PDE11A: variants seen among roughly 807,000 people sequenced by gnomAD.
The protein encoded by PDE11A is phosphodiesterase 11A.
A neutral mutation model predicts 100.5 loss-of-function variants in PDE11A; 100 were observed. The ratio of observed to expected loss-of-function variants is 1.00; its 90% CI spans 0.85 to 1.18. The LOEUF (loss-of-function observed/expected upper bound fraction) is 1.18, where lower values mean the gene tolerates loss of function less well. Among genes scored for constraint, PDE11A ranks in the 50% most tolerant of loss-of-function variants. PDE11A has a pLI of 0.00. For synonymous variants in PDE11A, 381 were observed against 420.8 expected (o/e 0.91, Z 1.16); for missense variants, 1,141 against 1,152.6 (o/e 0.99, Z 0.15).
chr2:177,801,321 T>C (rs1243416934), intron 9 of PDE11A, among the ~76,000 whole-genome samples: 1 of 152,208 alleles, frequency 6.6e-6, no homozygotes, highest in East Asian at 1.9e-4. Context: ...CCTGTCTTAC[T>C]AGAATATAAG....
chr2:177,941,673 T>G (rs1195392642), intron 2 of PDE11A, among the ~76,000 whole-genome samples: 5 of 152,116 alleles, frequency 3.3e-5, no homozygotes, highest in Non-Finnish European at 7.3e-5. Context: ...TCCTCCCCTC[T>G]CCCCATGCTG....
chr2:177,823,198 C>T (rs2083169406), intron 6 of PDE11A, among the ~76,000 whole-genome samples: 1 of 152,146 alleles, frequency 6.6e-6, no homozygotes, highest in Admixed American at 6.6e-5. Flanking sequence ...TTACCACCTT[C>T]TATGCACCAG....
At chr2:177,945,427 C>G (rs952139403) in intron 2 of PDE11A, among the ~76,000 whole-genome samples, 4 of 141,702 alleles carry the variant, frequency 2.8e-5, no homozygotes, top group African/African-American at 1.0e-4. Flanking sequence ...GCGTCTCTGC[C>G]CGGCCGCCCA....
chr2:177,881,355 CTAT>C (rs1306671827), intron 4 of PDE11A, among the ~76,000 whole-genome samples: 2 of 151,574 alleles, frequency 1.3e-5, no homozygotes, highest in Non-Finnish European at 2.9e-5. Context: ...ATCTATCTAT[CTAT>C]CTATCTATCT....
chr2:177,919,022 G>A (rs10211341), intron 2 of PDE11A, among the ~76,000 whole-genome samples: 12,809 of 151,542 alleles, frequency 0.085, 511 homozygotes, highest in South Asian at 0.098. Context: ...TAAAAATAAT[G>A]CAAAAATCAA....
intron 2 of PDE11A, among the ~76,000 whole-genome samples, chr2:178,006,528 C>T (rs572333644): frequency 6.6e-6 from 1 of 152,176 alleles, no homozygotes; most frequent in East Asian, 1.9e-4. Flanking sequence ...AGCCATGACA[C>T]CATGGCAATA....
At chr2:177,860,283 A>C (rs565884128) in intron 5 of PDE11A, among the ~76,000 whole-genome samples, 1 of 151,890 alleles carries the variant, frequency 6.6e-6, no homozygotes, top group African/African-American at 2.4e-5. Context: ...GGCTTTAACT[A>C]CTAACTTTGT....
intron 15 of PDE11A, chr2:177,683,229 T>C (rs1284867117): frequency 6.6e-6 from 1 of 152,196 alleles, no homozygotes; most frequent in Non-Finnish European, 1.5e-5. Flanking sequence ...GATCTATCCT[T>C]TCAAGATGAT....
chr2:177,763,056 T>C (rs1295056200), intron 10 of PDE11A, among the ~76,000 whole-genome samples: 1 of 152,206 alleles, frequency 6.6e-6, no homozygotes, highest in Admixed American at 6.5e-5. Context: ...ACACAATTCA[T>C]ACAGACAGCC....
At chr2:177,851,047 A>G (rs1244747328) in intron 5 of PDE11A, among the ~76,000 whole-genome samples, 1 of 152,214 alleles carries the variant, frequency 6.6e-6, no homozygotes, top group Non-Finnish European at 1.5e-5. Flanking sequence ...TATATACCCA[A>G]AGGATTATAA....
chr2:177,715,439 A>G (rs2105431238), intron 12 of PDE11A, among the ~76,000 whole-genome samples: 1 of 152,072 alleles, frequency 6.6e-6, no homozygotes, highest in South Asian at 2.1e-4. Flanking sequence ...TCTTCAGCAC[A>G]ATGAAGAAAT....
At chr2:177,967,170 C>T (rs939654307) in intron 2 of PDE11A, among the ~76,000 whole-genome samples, 1 of 137,296 alleles carries the variant, frequency 7.3e-6, no homozygotes, top group African/African-American at 2.7e-5. Flanking sequence ...TTTTGTGTTT[C>T]TATGGGATTG....
chr2:177,739,718 G>A (rs552135252), intron 10 of PDE11A, among the ~76,000 whole-genome samples: 2 of 152,288 alleles, frequency 1.3e-5, no homozygotes, highest in South Asian at 2.1e-4. Flanking sequence ...ACAGACTCTA[G>A]TTTCCACATA....
At chr2:177,924,483 G>A (rs951544858) in intron 2 of PDE11A, among the ~76,000 whole-genome samples, 2 of 152,146 alleles carry the variant, frequency 1.3e-5, no homozygotes, top group Admixed American at 6.5e-5. Context: ...TCATGGCCAC[G>A]AGAGCTAGAG....
At chr2:177,944,763 G>A (rs1360426974) in intron 2 of PDE11A, among the ~76,000 whole-genome samples, 2 of 151,186 alleles carry the variant, frequency 1.3e-5, no homozygotes, top group African/African-American at 2.4e-5. Context: ...CTCCGAGGCC[G>A]AGGACTCGGT....
In PDE11A at chr2:177,980,461, C is replaced by T. The variant is rs142227991; in HGVS notation, c.1071+33841G>A. 4.0e-4 allele frequency among the ~76,000 whole-genome samples: 60 copies of T among 150,806 alleles called. 3 individuals are homozygous for T. The highest frequency in any genetic ancestry group is 6.7e-4 in the Non-Finnish European group (45 of 67,288). ...ATAGACATAAGTATTAGTAAAAATA[C>T]GGCACTTACTTTGACCTTTGGAAGA... is the stretch of plus-strand genomic sequence containing the variant. On this transcript the variant is annotated intron_variant, in intron 2 of 19. Transcript: ENST00000286063.
intron 2 of PDE11A, among the ~76,000 whole-genome samples, chr2:177,936,012 C>T (rs13411542): frequency 0.087 from 13,165 of 152,146 alleles, 542 homozygotes; most frequent in South Asian, 0.1. Context: ...TTATTTTCTC[C>T]TAAACTCTTT....
At chr2:177,966,404 A>G (rs2085698750) in intron 2 of PDE11A, among the ~76,000 whole-genome samples, 1 of 152,102 alleles carries the variant, frequency 6.6e-6, no homozygotes. Flanking sequence ...ATGAGAGTGG[A>G]CATTCTTGTC....
chr2:177,884,098 C>A (rs2084389021), intron 4 of PDE11A, among the ~76,000 whole-genome samples: 1 of 152,158 alleles, frequency 6.6e-6, no homozygotes, highest in South Asian at 2.1e-4. Flanking sequence ...GACAGAAAGA[C>A]CAACCATAGG....
Sources: allele counts gnomAD v4.1 joint callset (sites outside exome capture counted in the v4.1 genomes callset), GRCh38; gene constraint gnomAD v4.1.1; transcripts MANE v1.5; gene names NCBI Gene and HGNC (gene_info 2026-07-23, HGNC 2026-07-21).